TDRD12: variants seen among roughly 807,000 people sequenced by gnomAD.
The protein encoded by TDRD12 is putative ATP-dependent RNA helicase TDRD12.
Under a neutral mutation model 133.5 loss-of-function variants are expected in TDRD12, and 158 were observed. That is an observed-to-expected ratio of 1.18 (90% CI 1.04 to 1.35). The LOEUF is 1.35. Among genes scored for constraint, TDRD12 ranks in the 40% most tolerant of loss-of-function variants. The probability of loss-of-function intolerance (pLI) is 0.00; values close to 1 mark genes in which losing one functional copy is unlikely to be tolerated. For synonymous variants in TDRD12, 460 were observed against 477.9 expected (o/e 0.96, Z 0.49); for missense variants, 1,443 against 1,321.3 (o/e 1.09, Z -1.43).
At chr19:32,815,846 T>G (rs1001641199) in intron 26 of TDRD12, among the ~76,000 whole-genome samples, 3 of 152,042 alleles carry the variant, frequency 2.0e-5, no homozygotes, top group Admixed American at 2.0e-4. Context: ...ATACAAAAAT[T>G]AGCTGGGTGT....
Position 32,802,508 on chromosome 19 carries a change from G to A in TDRD12, c.2198-148G>A, listed in dbSNP as rs1971427872. 6 of 901,240 alleles carry A rather than the reference G, an allele frequency of 6.7e-6. No homozygotes were observed. In the South Asian group the frequency reaches 7.9e-5, roughly 12 times the overall value. The allele number at this position is 901,240 out of a possible 1,614,324, so 55.8% of individuals were successfully genotyped here. A position where few individuals can be genotyped will look rare whatever the true frequency, so the allele number is the denominator to read the frequency against. ...TTTAAGCACTGGGCTGTGGCATTTT[G>A]GGGAAAAAAATGGGGAAGAAGTTTC... On this transcript the variant is annotated intron_variant, in intron 19 of 27. Transcript: ENST00000444215.
chr19:32,739,633 G>T (rs1260187743), intron 3 of TDRD12, among the ~76,000 whole-genome samples: 1 of 140,408 alleles, frequency 7.1e-6, no homozygotes, highest in Non-Finnish European at 1.5e-5. Context: ...CATCTCCTGG[G>T]TGCTCTCTGC....
At chr19:32,800,184 T>G in exon 17 of TDRD12, 1 of 1,507,946 alleles carries the variant, frequency 6.6e-7, no homozygotes, top group Non-Finnish European at 8.8e-7. Context: ...CTATATTAGA[T>G]AACTTTAAAA....
chr19:32,723,138 C>T (rs1006096851), intron 1 of TDRD12, among the ~76,000 whole-genome samples: 4 of 152,106 alleles, frequency 2.6e-5, no homozygotes, highest in African/African-American at 4.8e-5. Flanking sequence ...AATGACTATC[C>T]GTCCTCCTTT....
chr19:32,826,731 G>A (rs1338299427), intron 9 of TDRD12: 1 of 1,232,110 alleles, frequency 8.1e-7, no homozygotes, highest in African/African-American at 1.6e-5. Context: ...CTGTGAAGAG[G>A]ACAGCCACTT....
In TDRD12 at chr19:32,743,678, T is replaced by G. The variant is rs542157483; in HGVS notation, c.440+778T>G. 6.8e-4 allele frequency among the ~76,000 whole-genome samples: 103 copies of G among 152,152 alleles called. 1 individual carries two copies. The highest frequency in any genetic ancestry group is 1.3e-3 in the Non-Finnish European group (87 of 67,996). On this transcript the variant is annotated intron_variant, in intron 4 of 27. Transcript: ENST00000444215. Reference sequence around the variant, plus strand: ...CAGTGCTTTTACACACACTTATCTATGTGGAGCTTTTAACGAAAATTAGAA... The same window carrying G: ...CAGTGCTTTTACACACACTTATCTAGGTGGAGCTTTTAACGAAAATTAGAA...
chr19:32,722,184 T>A (rs1480120576), intron 1 of TDRD12, among the ~76,000 whole-genome samples: 1 of 152,174 alleles, frequency 6.6e-6, no homozygotes, highest in Non-Finnish European at 1.5e-5. Context: ...CAGTCAGATG[T>A]TGTCTGTCAG....
intron 8 of TDRD12, among the ~76,000 whole-genome samples, chr19:32,763,984 A>T (rs1970222679): frequency 6.6e-6 from 1 of 152,112 alleles, no homozygotes; most frequent in African/African-American, 2.4e-5. Flanking sequence ...ATAGAGTGAT[A>T]ACCATCAAGC....
chr19:32,812,050 G>A (rs187137307), intron 24 of TDRD12, among the ~76,000 whole-genome samples: 1 of 152,348 alleles, frequency 6.6e-6, no homozygotes, highest in African/African-American at 2.4e-5. Flanking sequence ...TTTCCTCTGG[G>A]CTTCGTGGGG....
chr19:32,742,754 T>C (rs538328148), intron 3 of TDRD12, 27 bp from the exon 4 acceptor site: 2 of 1,547,736 alleles, frequency 1.3e-6, no homozygotes, highest in Admixed American at 4.0e-5. Context: ...TTCTATATAA[T>C]GGAGCTGTTT....
intron 23 of TDRD12, among the ~76,000 whole-genome samples, chr19:32,810,865 CG>C (rs1568492415): frequency 2.6e-5 from 4 of 151,824 alleles, no homozygotes; most frequent in Admixed American, 2.0e-4. Context: ...GCACTCCAGC[CG>C]GGGCCACAGA....
chr19:32,815,048 T>A (rs1160928831), intron 25 of TDRD12, among the ~76,000 whole-genome samples: 1 of 152,258 alleles, frequency 6.6e-6, no homozygotes, highest in Non-Finnish European at 1.5e-5. Context: ...ATTCAGGTCC[T>A]TGGCTTAGGT....
Position 32,738,917 on chromosome 19 carries a change from C to A in TDRD12, c.245C>A (p.Thr82Lys). 1.9e-6 allele frequency: 3 copies of A among 1,551,404 alleles called. No homozygotes were observed. The highest frequency in any genetic ancestry group is 2.6e-6 in the Non-Finnish European group (3 of 1,147,008). The change falls in exon 3 of 28, where the codon ACG becomes AAG. Residue 82 changes from threonine (T) to lysine (K), a missense_variant. Coordinates refer to ENST00000444215, the Ensembl canonical transcript of TDRD12. ...TGCAGGGCCATTGTCAAATCAATTA[C>A]GTCTTCCGCAGACCAGTACCTGGCA...
chr19:32,788,519 C>G (rs537275054), intron 11 of TDRD12, among the ~76,000 whole-genome samples: 14 of 152,230 alleles, frequency 9.2e-5, no homozygotes, highest in Admixed American at 7.2e-4. Flanking sequence ...CTTTTGTTCT[C>G]TTTTCTCTTT....
chr19:32,724,329 C>T (rs888907597), intron 1 of TDRD12, among the ~76,000 whole-genome samples: 3 of 152,152 alleles, frequency 2.0e-5, no homozygotes, highest in African/African-American at 4.8e-5. Context: ...AACCCATCAT[C>T]TAGTTATTAA....
intron 11 of TDRD12, 102 bp from the exon 12 acceptor site, chr19:32,790,429 T>C: frequency 1.7e-6 from 2 of 1,160,596 alleles, no homozygotes; most frequent in South Asian, 2.9e-5. Flanking sequence ...AGCCTTGGGC[T>C]GTGCAGCCCC....
intron 14 of TDRD12, among the ~76,000 whole-genome samples, chr19:32,797,313 G>C (rs1298270286): frequency 1.3e-5 from 2 of 152,110 alleles, no homozygotes; most frequent in African/African-American, 4.8e-5. Flanking sequence ...CCTTTCAGGA[G>C]GCATTTAGTT....
intron 1 of TDRD12, among the ~76,000 whole-genome samples, chr19:32,722,218 C>T (rs1169544207): frequency 6.6e-6 from 1 of 152,194 alleles, no homozygotes; most frequent in Non-Finnish European, 1.5e-5. Context: ...AGTCCGATTT[C>T]TTCTTTAGAA....
At chr19:32,768,044 A>AT (rs1970346425) in intron 8 of TDRD12, among the ~76,000 whole-genome samples, 1 of 152,262 alleles carries the variant, frequency 6.6e-6, no homozygotes, top group Admixed American at 6.5e-5. Flanking sequence ...TTTACTGAAC[A>AT]TAGCTGGACT....
Sources: allele counts gnomAD v4.1 joint callset (sites outside exome capture counted in the v4.1 genomes callset), GRCh38; gene constraint gnomAD v4.1.1; transcripts MANE v1.5; gene names NCBI Gene and HGNC (gene_info 2026-07-23, HGNC 2026-07-21).